The following CEP131 variants were observed in gnomAD, a reference collection of about 807,000 sequenced individuals.
CEP131 encodes the protein centrosomal protein of 131 kDa.
In CEP131, 99 loss-of-function variants were observed where a neutral mutation model predicts 136.8. That is an observed-to-expected ratio of 0.72 (90% CI 0.62 to 0.86). The LOEUF is 0.86. Among genes scored for constraint, CEP131 ranks in the 40% least tolerant of loss-of-function variants. CEP131 has a pLI of 0.00. For synonymous variants in CEP131, 646 were observed against 612.7 expected (o/e 1.05, Z -0.80); for missense variants, 1,459 against 1,463.0 (o/e 1.00, Z 0.04).
At chr17:81,194,581 TCTCCCCTAGCCCAAC>T (rs1195568571) in intron 17 of CEP131, among the ~76,000 whole-genome samples, 1 of 152,042 alleles carries the variant, frequency 6.6e-6, no homozygotes, top group Non-Finnish European at 1.5e-5. Context: ...AAACTCCCAA[TCTCCCCTAGCCCAAC>T]CCTGAGGAAG....
rs1029569854 is a variant in CEP131 at position 81,219,766 on chromosome 17, T to C, written c.177+114A>G. The C allele has an allele frequency of 2.9e-5, 33 of 1,136,824 alleles. No individual in the cohort carries two copies. In the South Asian group the frequency reaches 6.3e-4, roughly 22 times the overall value. 70.4% of individuals were successfully genotyped at this position (1,136,824 alleles called of 1,614,324 possible). On this transcript the variant is annotated intron_variant, in intron 2 of 25. Coordinates refer to ENST00000450824, the MANE Select transcript of CEP131 (RefSeq NM_014984.4). The surrounding 1 kb of genome is among the most constrained non-coding windows in gnomAD (Gnocchi z 4.0). Reference sequence around the variant, plus strand: ...CTGGAACAGCCACGAGGATCCAGCATGTCCAGATGTGAGGCACTTGTTCAC... The same window carrying C: ...CTGGAACAGCCACGAGGATCCAGCACGTCCAGATGTGAGGCACTTGTTCAC...
chr17:81,209,082 G>T, intron 2 of CEP131, 60 bp from the exon 3 acceptor site: 1 of 1,260,308 alleles, frequency 7.9e-7, no homozygotes, highest in Non-Finnish European at 1.1e-6. Flanking sequence ...AGTTTGCTCA[G>T]CCTCCGCCAG....
At chr17:81,192,292 G>A in intron 21 of CEP131, 26 bp downstream of exon 21, 1 of 1,546,206 alleles carries the variant, frequency 6.5e-7, no homozygotes, top group African/African-American at 1.4e-5. Context: ...CCCAACCCCT[G>A]CCCACCTGGG....
intron 1 of CEP131, among the ~76,000 whole-genome samples, chr17:81,221,221 C>T (rs8073077): frequency 0.43 from 65,188 of 151,152 alleles, 14,465 homozygotes; most frequent in African/African-American, 0.47. Flanking sequence ...CAAACACTCC[C>T]TGGGTAATGT....
At chr17:81,193,553 C>T (rs957725915) in intron 18 of CEP131, among the ~76,000 whole-genome samples, 1 of 152,188 alleles carries the variant, frequency 6.6e-6, no homozygotes, top group African/African-American at 2.4e-5. Flanking sequence ...TGAGAGAGAC[C>T]GTCCCTGGGC....
rs1011405234 is a variant in CEP131 at position 81,215,705 on chromosome 17, C to T, written c.177+4175G>A. 1.3e-5 allele frequency among the ~76,000 whole-genome samples: 2 copies of T among 152,296 alleles called. No homozygotes were observed. Among genetic ancestry groups the T allele is most frequent in the Non-Finnish European group, 1.5e-5 (1 of 68,024 alleles). ...GGGATTACAGGCACGGGCCACCGCA[C>T]CTGGCCCCCCTTTCAAAATTTTAAA... On this transcript the variant is annotated intron_variant, in intron 2 of 25. Coordinates refer to ENST00000450824, the MANE Select transcript of CEP131 (RefSeq NM_014984.4). The surrounding 1 kb of genome is among the most constrained non-coding windows in gnomAD (Gnocchi z 4.1).
chr17:81,196,073 T>G, intron 15 of CEP131, 122 bp from the exon 16 acceptor site: 1 of 760,662 alleles, frequency 1.3e-6, no homozygotes, highest in Non-Finnish European at 2.1e-6. Context: ...GGGCTGCCCC[T>G]CCTAGGTTTG....
Position 81,219,903 on chromosome 17 carries a change from T to C in CEP131, c.154A>G (p.Ser52Gly), listed in dbSNP as rs2062346577. The C allele has an allele frequency of 1.2e-6, 2 of 1,609,560 alleles. No individual in the cohort carries two copies. The highest frequency in any genetic ancestry group is 4.5e-5 in the East Asian group (2 of 44,400). ...ACCAGCACCTTCCTCTTCTGCTCGC[T>C]GCCTGTGACCACGGAGACAGAGCGG... ...IVRSVSVVTG[S>G]EQKRKVLEAT... is the part of the protein sequence containing the mutation. Residue 52 changes from serine (S) to glycine (G), a missense_variant, in exon 2 of 26, where the codon AGC becomes GGC. Physicochemically the swap from Ser to Gly is moderately conservative, Grantham distance 56. This residue lies in a region of CEP131 where 187 missense variants were observed against 179.9 expected (regional missense o/e 1.04). Transcript: ENST00000450824. This position sits in a 1 kb window ranked among gnomAD's most constrained non-coding sequence, Gnocchi z 4.0.
chr17:81,192,271 G>A (rs757154064), intron 21 of CEP131, 47 bp downstream of exon 21: 26 of 1,523,298 alleles, frequency 1.7e-5, no homozygotes, highest in Non-Finnish European at 2.0e-5. Context: ...TCCTGCCCAC[G>A]CAGGGCAGCC....
rs754478413 is a variant in CEP131, at chr17:81,219,941, G to A, written c.116C>T (p.Thr39Ile). 6 of 1,612,252 alleles carry A rather than the reference G, an allele frequency of 3.7e-6. No homozygotes were observed. In the South Asian group the frequency reaches 5.5e-5, roughly 15 times the overall value. The change falls in exon 2 of 26, where the codon ACC becomes ATC. Residue 39 changes from threonine (T) to isoleucine (I), a missense_variant. Physicochemically the swap from Thr to Ile is moderately conservative, Grantham distance 89. This residue lies in a region of CEP131 where 187 missense variants were observed against 179.9 expected (regional missense o/e 1.04). Transcript: ENST00000450824. The surrounding 1 kb of genome is among the most constrained non-coding windows in gnomAD (Gnocchi z 4.0). Reference protein sequence around the residue: ...VSRRPGSAATTKPIVRSVSVV... With the variant: ...VSRRPGSAATIKPIVRSVSVV... ...GGAGACAGAGCGGACGATGGGCTTGGTGGTGGCGGCACTGCCAGGACGCCG... is the reference window on the plus strand; with the variant it reads ...GGAGACAGAGCGGACGATGGGCTTGATGGTGGCGGCACTGCCAGGACGCCG...
At chr17:81,212,525 G>A (rs1398638038) in intron 2 of CEP131, among the ~76,000 whole-genome samples, 1 of 151,606 alleles carries the variant, frequency 6.6e-6, no homozygotes, top group African/African-American at 2.4e-5. Flanking sequence ...CTTCCTAATA[G>A]CCCTGGGCAG....
At position 81,200,447 on chromosome 17, in the gene CEP131, C is replaced by T. The variant is rs2146576846; in HGVS notation, c.789-1G>A. 1 of 1,547,480 alleles carries T rather than the reference C, an allele frequency of 6.5e-7. No individual in the cohort carries two copies. ...GGCCTGGTTCACCTGGTGGATAAAC[C>T]TGCCCGGAGAGCAGGACTCAGGGCC... On this transcript the variant is annotated splice_acceptor_variant, in intron 7 of 25. Coordinates refer to ENST00000450824, the MANE Select transcript of CEP131 (RefSeq NM_014984.4). LOFTEE classifies it high-confidence loss of function.
At chr17:81,221,249 C>T (rs1039197206) in intron 1 of CEP131, among the ~76,000 whole-genome samples, 4 of 151,474 alleles carry the variant, frequency 2.6e-5, no homozygotes, top group African/African-American at 7.3e-5. Context: ...CAGCAGGGGA[C>T]GGGGGTTCTG....
At chr17:81,218,906 T>C (rs1039468441) in intron 2 of CEP131, among the ~76,000 whole-genome samples, 1 of 152,242 alleles carries the variant, frequency 6.6e-6, no homozygotes, top group Admixed American at 6.5e-5. Flanking sequence ...TGCCCTGCTA[T>C]GTTGCCTGGC....
At chr17:81,195,208 C>CCAT (rs2061728525) in intron 16 of CEP131, among the ~76,000 whole-genome samples, 1 of 152,218 alleles carries the variant, frequency 6.6e-6, no homozygotes, top group African/African-American at 2.4e-5. Context: ...GGGAGGGCAG[C>CCAT]CATCAGCCTG....
chr17:81,202,197 G>A (rs780034776), intron 7 of CEP131, 43 bp downstream of exon 7: 1 of 1,444,584 alleles, frequency 6.9e-7, no homozygotes, highest in Non-Finnish European at 9.3e-7. Context: ...CCACCTCTGT[G>A]TTCTAGGCTC....
At position 81,208,003 on chromosome 17, in the gene CEP131, ACACACACCACTCACACCACACACC is replaced by A. The variant is rs1421148386; in HGVS notation, c.273-788_273-765del. Among the ~76,000 whole-genome samples the A allele has an allele frequency of 0.044, 453 of 10,228 alleles. 3 individuals are homozygous for A. Among genetic ancestry groups the A allele is most frequent in the Non-Finnish European group, 0.073 (361 of 4,924 alleles). 6.7% of individuals were successfully genotyped at this position (10,228 alleles called of 152,430 possible). A position where few individuals can be genotyped will look rare whatever the true frequency, so the allele number is the denominator to read the frequency against. ...GCACCACTCACAAACCACACCCCAG[ACACACACCACTCACACCACACACC>A]CACACACCACACACCCCCCACACAC... On this transcript the variant is annotated intron_variant, in intron 3 of 25. Transcript: ENST00000450824. This position sits in a 1 kb window ranked among gnomAD's most constrained non-coding sequence, Gnocchi z 5.6.
At chr17:81,198,839 A>G in intron 11 of CEP131, 38 bp downstream of exon 11, 1 of 1,546,730 alleles carries the variant, frequency 6.5e-7, no homozygotes, top group Non-Finnish European at 8.7e-7. Context: ...CCTTAAAGCC[A>G]AAAACCATGA....
In CEP131 at chr17:81,194,039, C is replaced by A; in HGVS notation, c.2208G>T (p.Gln736His). The A allele has an allele frequency of 6.3e-7, 1 of 1,582,838 alleles. No homozygotes were observed. The highest frequency in any genetic ancestry group is 8.6e-7 in the Non-Finnish European group (1 of 1,164,822). The change falls in exon 18 of 26, where the codon CAG (glutamine) becomes CAT (histidine). Residue 736 changes from glutamine (Q) to histidine (H), a missense_variant. By Grantham distance (24) the Gln-to-His change is conservative. Around this residue, in one of 3 missense-constraint regions of CEP131, gnomAD observed 1,026 missense variants for 964.2 expected, o/e 1.06. Transcript: ENST00000450824. The part of the protein sequence containing the change: ...LKSLHEAELL[Q>H]SDERASQRCL... The stretch of plus-strand genomic sequence containing the variant: ...AGCGCTGCGAGGCCCGCTCATCCGA[C>A]TGCAGCAGCTCCGCCTCGTGCAGGC...
Sources: allele counts gnomAD v4.1 joint callset (sites outside exome capture counted in the v4.1 genomes callset), GRCh38; gene constraint gnomAD v4.1.1; regional missense constraint gnomAD v4.1.1; non-coding constraint Gnocchi (gnomAD v3.1); transcripts MANE v1.5; gene names NCBI Gene and HGNC (gene_info 2026-07-23, HGNC 2026-07-21).